Variants in TSPAN8 observed in about 807,000 individuals in gnomAD.
TSPAN8 encodes the protein tetraspanin-8.
TSPAN8 carries 21 observed loss-of-function variants against 32.8 expected under a neutral mutation model. The ratio of observed to expected loss-of-function variants is 0.64; its 90% CI spans 0.45 to 0.92. The LOEUF (loss-of-function observed/expected upper bound fraction) is 0.92, where lower values mean the gene tolerates loss of function less well. TSPAN8 is among the 40% of genes least tolerant of loss of function. The pLI, the probability that TSPAN8 is intolerant of heterozygous loss-of-function variation, is 0.00. For synonymous variants in TSPAN8, 95 were observed against 94.6 expected, an observed-to-expected ratio of 1.00 and a Z score of -0.03; for missense variants, 269 against 281.9, an observed-to-expected ratio of 0.95 and a Z score of 0.33.
intron 4 of TSPAN8, 29 bp from the exon 5 acceptor site, chr12:71,138,259 A>T (rs1418727769): frequency 1.9e-6 from 3 of 1,602,150 alleles, no homozygotes; most frequent in Admixed American, 3.4e-5. Context: ...AATATACATT[A>T]TCCTCAGTGC....
intron 2 of TSPAN8, among the ~76,000 whole-genome samples, 187 bp from the exon 3 acceptor site, chr12:71,144,400 T>G (rs1258900029): frequency 2.0e-5 from 3 of 152,210 alleles, no homozygotes; most frequent in Non-Finnish European, 4.4e-5. Flanking sequence ...TGTGTAAGTT[T>G]GATGAGAATA....
intron 1 of TSPAN8, 33 bp from the exon 2 acceptor site, chr12:71,157,820 A>T: frequency 1.6e-6 from 1 of 644,586 alleles, no homozygotes; most frequent in Admixed American, 2.7e-5. Context: ...AAAGAAGTAG[A>T]GGGAGGAATA....
chr12:71,128,640 G>GTT (rs1871416533), intron 8 of TSPAN8, among the ~76,000 whole-genome samples: 1 of 128,940 alleles, frequency 7.8e-6, no homozygotes, highest in Non-Finnish European at 1.8e-5. Flanking sequence ...GTATCTTTCA[G>GTT]GTTTTTTTTT....
At chr12:71,139,099 A>G (rs77625335) in intron 4 of TSPAN8, 12,849 of 454,500 alleles carry the variant, frequency 0.028, no homozygotes, top group East Asian at 0.15. Flanking sequence ...ATTCATTTAA[A>G]CTTTTTTTTT....
chr12:71,127,387 A>G (rs1470483556), intron 8 of TSPAN8, among the ~76,000 whole-genome samples: 2 of 152,078 alleles, frequency 1.3e-5, no homozygotes, highest in Non-Finnish European at 2.9e-5. Flanking sequence ...GTTTCCCTTA[A>G]AAAGAGGGAG....
chr12:71,152,898 A>T (rs1395659707), intron 2 of TSPAN8, among the ~76,000 whole-genome samples: 4 of 152,214 alleles, frequency 2.6e-5, no homozygotes, highest in African/African-American at 9.6e-5. Flanking sequence ...AAATACAATG[A>T]TGAATATCGA....
chr12:71,153,161 A>T (rs1373292613), intron 2 of TSPAN8, among the ~76,000 whole-genome samples: 3 of 152,176 alleles, frequency 2.0e-5, no homozygotes, highest in Admixed American at 6.5e-5. Flanking sequence ...ATACTTACTC[A>T]GACCCCTAAA....
chr12:71,135,997 C>A (rs1871684127), intron 6 of TSPAN8, among the ~76,000 whole-genome samples: 2 of 152,044 alleles, frequency 1.3e-5, no homozygotes, highest in Admixed American at 1.3e-4. Flanking sequence ...CAGGGACTGA[C>A]CCATATCAGG....
chr12:71,137,908 A>G (rs1415070459), intron 6 of TSPAN8, 45 bp downstream of exon 6: 1 of 1,531,936 alleles, frequency 6.5e-7, no homozygotes, highest in African/African-American at 1.4e-5. Flanking sequence ...CAAACACAGA[A>G]GAACTATGTC....
intron 3 of TSPAN8, among the ~76,000 whole-genome samples, chr12:71,143,558 C>T (rs1871977193): frequency 6.6e-6 from 1 of 152,138 alleles, no homozygotes; most frequent in African/African-American, 2.4e-5. Flanking sequence ...ATAATCTGGA[C>T]ATCCCCAGAG....
In TSPAN8 at chr12:71,140,644, C is replaced by T. The variant is rs149137934; in HGVS notation, c.124-796G>A. ...CCTTTATAGTGGGTGGGCTACCCAT[C>T]AGGCATAATTCAGTTCTCCCAACAA... On this transcript the variant is annotated intron_variant, in intron 3 of 8. Coordinates refer to ENST00000247829, the MANE Select transcript of TSPAN8 (RefSeq NM_004616.3). 2.7e-3 allele frequency among the ~76,000 whole-genome samples: 418 copies of T among 152,316 alleles called. 1 individual carries two copies. The highest frequency in any genetic ancestry group is 4.8e-3 in the Non-Finnish European group (329 of 68,028).
intron 4 of TSPAN8, among the ~76,000 whole-genome samples, chr12:71,139,499 T>C (rs1299034755): frequency 4.1e-5 from 3 of 73,370 alleles, no homozygotes; most frequent in African/African-American, 6.1e-5. Context: ...GGATGAATGA[T>C]TAAAATTTGT....
At chr12:71,144,525 T>C (rs1026229770) in intron 2 of TSPAN8, among the ~76,000 whole-genome samples, 2 of 152,190 alleles carry the variant, frequency 1.3e-5, no homozygotes, top group African/African-American at 2.4e-5. Context: ...TGCTAGATTT[T>C]AGCATACAAA....
intron 2 of TSPAN8, 53 bp from the exon 3 acceptor site, chr12:71,144,266 T>A (rs1035767309): frequency 5.2e-6 from 8 of 1,531,938 alleles, no homozygotes; most frequent in Middle Eastern, 3.4e-4. Context: ...CATATGAAAC[T>A]CTATTTCCAC....
Position 71,132,885 on chromosome 12 carries a change from CA to C in TSPAN8, c.445-62del, listed in dbSNP as rs2137048021. Reference sequence around the variant, plus strand: ...AAGAAGATTAAAAACATTGGCAATACATTAAATTATAATCTTCTGAAATCAT... The same window carrying C: ...AAGAAGATTAAAAACATTGGCAATACTTAAATTATAATCTTCTGAAATCAT... On this transcript the variant is annotated intron_variant, in intron 6 of 8. Coordinates refer to ENST00000247829, the MANE Select transcript of TSPAN8 (RefSeq NM_004616.3). 3 of 1,572,392 alleles carry C rather than the reference CA, an allele frequency of 1.9e-6. No homozygotes were observed. In the South Asian group the frequency reaches 3.4e-5, roughly 18 times the overall value.
At chr12:71,139,498 A>AAGGATGTATTTCAGGGTCC (rs1555195470) in intron 4 of TSPAN8, among the ~76,000 whole-genome samples, 74 of 152,114 alleles carry the variant, frequency 4.9e-4, no homozygotes, top group Admixed American at 7.9e-4. Context: ...TGGATGAATG[A>AAGGATGTATTTCAGGGTCC]TTAAAATTTG....
chr12:71,144,358 A>T, intron 2 of TSPAN8, 145 bp from the exon 3 acceptor site: 1 of 615,572 alleles, frequency 1.6e-6, no homozygotes, highest in East Asian at 2.8e-5. Flanking sequence ...GCATATTCAT[A>T]TACAGATCAT....
intron 6 of TSPAN8, among the ~76,000 whole-genome samples, chr12:71,134,336 AG>A (rs900648773): frequency 5.3e-5 from 8 of 152,260 alleles, no homozygotes; most frequent in Admixed American, 2.6e-4. Context: ...TTGAATAAAT[AG>A]AAAAAAATAT....
intron 7 of TSPAN8, among the ~76,000 whole-genome samples, chr12:71,132,383 G>C (rs1170772156): frequency 2.6e-5 from 4 of 152,084 alleles, no homozygotes; most frequent in Non-Finnish European, 5.9e-5. Flanking sequence ...AAATAAAAGA[G>C]AATAATGATT....
Sources: allele counts gnomAD v4.1 joint callset (sites outside exome capture counted in the v4.1 genomes callset), GRCh38; gene constraint gnomAD v4.1.1; transcripts MANE v1.5; gene names NCBI Gene and HGNC (gene_info 2026-07-23, HGNC 2026-07-21).